FRK: variants seen among roughly 807,000 people sequenced by gnomAD.
The protein encoded by FRK is fyn related Src family tyrosine kinase, also known as tyrosine-protein kinase FRK.
Under a neutral mutation model 56.4 loss-of-function variants are expected in FRK, and 51 were observed. The observed-to-expected ratio is 0.90, with a 90% CI of 0.72 to 1.14. The LOEUF is 1.14. FRK is among the 50% of genes most tolerant of loss of function. The pLI is 0.00. For missense variants in FRK, 570 were observed against 601.4 expected, an observed-to-expected ratio of 0.95 and a Z score of 0.55; for synonymous variants, 245 against 217.9, an observed-to-expected ratio of 1.12 and a Z score of -1.10.
the FRK span, among the ~76,000 whole-genome samples, chr6:116,087,277 A>G: frequency 6.6e-6 from 1 of 152,234 alleles, no homozygotes; most frequent in Non-Finnish European, 1.5e-5. Flanking sequence ...GCTAAACTGA[A>G]CTGAGAAGTA....
intron 2 of FRK, among the ~76,000 whole-genome samples, chr6:115,988,534 AAAAC>A (rs751276276): frequency 1.5e-4 from 23 of 152,026 alleles, no homozygotes; most frequent in Admixed American, 8.5e-4. Flanking sequence ...ATGAAAACTA[AAAAC>A]AAACAAAGTT....
At chr6:115,996,522 T>A (rs550507059) in intron 2 of FRK, among the ~76,000 whole-genome samples, 2 of 152,278 alleles carry the variant, frequency 1.3e-5, no homozygotes, top group African/African-American at 4.8e-5. Flanking sequence ...TGGAAAAAAC[T>A]GACCTGTCAA....
At chr6:116,070,951 C>T in the FRK span, among the ~76,000 whole-genome samples, 1 of 152,044 alleles carries the variant, frequency 6.6e-6, no homozygotes, top group Non-Finnish European at 1.5e-5. Context: ...GTACCTGGTA[C>T]TTTAATAACT....
chr6:116,083,424 G>A, the FRK span, among the ~76,000 whole-genome samples: 1 of 152,184 alleles, frequency 6.6e-6, no homozygotes, highest in Non-Finnish European at 1.5e-5. Flanking sequence ...ATGATGGTGA[G>A]AATGATTTAG....
chr6:116,053,922 G>C (rs1777274774), intron 1 of FRK, among the ~76,000 whole-genome samples: 1 of 152,012 alleles, frequency 6.6e-6, no homozygotes, highest in Admixed American at 6.6e-5. Context: ...AAGCTTTACT[G>C]CTATTAATTA....
At position 115,941,013 on chromosome 6, in the gene FRK, G is replaced by GA. The variant is rs1772151604; in HGVS notation, c.*1400_*1401insT. 6.6e-6 allele frequency: 1 copy of GA among 152,160 alleles called. No individual in the cohort carries two copies. Among genetic ancestry groups the GA allele is most frequent in the African/African-American group, 2.4e-5 (1 of 41,438 alleles). 9.4% of individuals were successfully genotyped at this position (152,160 alleles called of 1,614,324 possible). A position where few individuals can be genotyped will look rare whatever the true frequency, so the allele number is the denominator to read the frequency against. ...CCCATTACTGGGTATGTACCTAAAGGCTTATAAATCATTCTGCTATAAAGA... is the reference window on the plus strand; with the variant it reads ...CCCATTACTGGGTATGTACCTAAAGGACTTATAAATCATTCTGCTATAAAGA... On this transcript the variant is annotated 3_prime_UTR_variant, in exon 8 of 8. Transcript: ENST00000606080.
intron 4 of FRK, among the ~76,000 whole-genome samples, chr6:115,961,315 T>A: frequency 9.0e-6 from 1 of 111,136 alleles, no homozygotes; most frequent in African/African-American, 3.5e-5. Flanking sequence ...ATGAAATGAA[T>A]GAAATGAAGC....
chr6:116,001,466 A>G (rs1487013916), intron 2 of FRK, among the ~76,000 whole-genome samples: 1 of 152,134 alleles, frequency 6.6e-6, no homozygotes, highest in East Asian at 1.9e-4. Context: ...TTAAAATAGA[A>G]CCAAGGGTCC....
intron 1 of FRK, among the ~76,000 whole-genome samples, chr6:116,059,752 A>G (rs529788846): frequency 2.0e-5 from 3 of 152,336 alleles, no homozygotes; most frequent in South Asian, 2.1e-4. Flanking sequence ...GTGGATGTAC[A>G]TACTGTAATT....
At chr6:116,020,260 ATCTCT>A (rs1190379238) in intron 1 of FRK, among the ~76,000 whole-genome samples, 1 of 152,016 alleles carries the variant, frequency 6.6e-6, no homozygotes, top group Non-Finnish European at 1.5e-5. Context: ...ATTTAAAGTG[ATCTCT>A]TCTTTTGTCC....
chr6:116,053,918 T>C lies in FRK; in HGVS notation c.344+6050A>G, dbSNP rs150918761. The stretch of plus-strand genomic sequence containing the variant: ...CTTTGAGATGCATGTAATCAAGCTT[T>C]ACTGCTATTAATTACTTGACACAGG... On this transcript the variant is annotated intron_variant, in intron 1 of 7. Coordinates refer to ENST00000606080, the MANE Select transcript of FRK (RefSeq NM_002031.3). Among the ~76,000 whole-genome samples, 102 of 152,232 alleles carry C rather than the reference T, an allele frequency of 6.7e-4. 1 individual carries two copies. Among genetic ancestry groups the C allele is most frequent in the Non-Finnish European group, 9.1e-4 (62 of 67,944 alleles).
chr6:115,943,144 C>A lies in FRK; in HGVS notation c.1182G>T (p.Lys394Asn), dbSNP rs1461263596. The A allele has an allele frequency of 1.2e-6, 2 of 1,612,644 alleles. No individual in the cohort carries two copies. Among genetic ancestry groups the A allele is most frequent in the East Asian group, 2.2e-5 (1 of 44,812 alleles). ...EDIYESRHEI[K>N]LPVKWTAPEA... ...CGGGCGCAGTCCACTTCACCGGCAG[C>A]TTTATTTCGTGTCTAGATTCATAGA... is the stretch of plus-strand genomic sequence containing the variant. Residue 394 changes from lysine to asparagine, a missense_variant, in exon 7 of 8, where the codon AAG (lysine) becomes AAT (asparagine). Lys to Asn is a moderately conservative substitution (Grantham distance 94). Transcript: ENST00000606080.
At chr6:116,059,703 A>C (rs1777544719) in intron 1 of FRK, among the ~76,000 whole-genome samples, 1 of 152,234 alleles carries the variant, frequency 6.6e-6, no homozygotes, top group Non-Finnish European at 1.5e-5. Context: ...ACAGTATTAA[A>C]CACATCATTT....
At chr6:116,017,819 T>C (rs1198700258) in intron 1 of FRK, among the ~76,000 whole-genome samples, 4 of 152,112 alleles carry the variant, frequency 2.6e-5, no homozygotes, top group Admixed American at 2.6e-4. Flanking sequence ...TTCTCCTAAA[T>C]CCTGAGTCAT....
At chr6:116,039,161 GCATCA>G in intron 1 of FRK, 1 of 1,051,370 alleles carries the variant, frequency 9.5e-7, no homozygotes, top group South Asian at 1.3e-5. Flanking sequence ...AAGGGAAGTG[GCATCA>G]CTGAGAAGTT....
chr6:116,003,968 A>C lies in FRK; in HGVS notation c.375T>G (p.Asp125Glu), dbSNP rs117605537. Residue 125 changes from aspartate to glutamate, a missense_variant, in exon 2 of 8, where the codon GAT (aspartate) becomes GAG (glutamate). Coordinates refer to ENST00000606080, the MANE Select transcript of FRK (RefSeq NM_002031.3). Reference sequence around the variant, plus strand: ...CTGAATATAATAGTTGTTTCTCTGCATCTGATCTTCCGATTGCTCCAAAGA... The same window carrying C: ...CTGAATATAATAGTTGTTTCTCTGCCTCTGATCTTCCGATTGCTCCAAAGA... ...PWFFGAIGRS[D>E]AEKQLLYSEN... 4.5e-4 allele frequency: 732 copies of C among 1,613,084 alleles called. 12 individuals are homozygous for C. The East Asian group carries it at 0.015, about 34-fold the overall frequency.
At chr6:115,946,017 G>C (rs566797015) in intron 5 of FRK, among the ~76,000 whole-genome samples, 2 of 152,144 alleles carry the variant, frequency 1.3e-5, no homozygotes, top group South Asian at 4.2e-4. Flanking sequence ...TTGAAATGGG[G>C]TGAGTCATCC....
intron 2 of FRK, among the ~76,000 whole-genome samples, chr6:115,990,457 AGAGAG>A (rs1774554591): frequency 6.6e-6 from 1 of 151,212 alleles, no homozygotes. Context: ...TTTTGTATTT[AGAGAG>A]AGGGGTCCAG....
chr6:115,939,784 A>C lies in FRK; in HGVS notation c.*2630T>G, dbSNP rs930302905. 3 of 152,196 alleles carry C rather than the reference A, an allele frequency of 2.0e-5. No individual in the cohort carries two copies. The highest frequency in any genetic ancestry group is 7.2e-5 in the African/African-American group (3 of 41,438). 9.4% of individuals were successfully genotyped at this position (152,196 alleles called of 1,614,324 possible). On this transcript the variant is annotated 3_prime_UTR_variant, in exon 8 of 8. Transcript: ENST00000606080. Reference sequence around the variant, plus strand: ...TTACAACTTACAAGGGATGCAAAGGACCTCTTCAAGGAGAACTACAAACCA... The same window carrying C: ...TTACAACTTACAAGGGATGCAAAGGCCCTCTTCAAGGAGAACTACAAACCA...
Sources: allele counts gnomAD v4.1 joint callset (sites outside exome capture counted in the v4.1 genomes callset), GRCh38; gene constraint gnomAD v4.1.1; transcripts MANE v1.5; gene names NCBI Gene and HGNC (gene_info 2026-07-23, HGNC 2026-07-21).